The following GOLGA2 variants were observed in gnomAD, a reference collection of about 807,000 sequenced individuals.
GOLGA2 encodes the protein golgin subfamily A member 2.
Under a neutral mutation model 148.8 loss-of-function variants are expected in GOLGA2, and 49 were observed. The observed-to-expected ratio is 0.33, with a 90% CI of 0.26 to 0.42. GOLGA2 has a LOEUF of 0.42. GOLGA2 is among the 10% of genes least tolerant of loss of function. GOLGA2 has a pLI of 1.00. For synonymous variants in GOLGA2, 501 were observed against 511.8 expected, an observed-to-expected ratio of 0.98 and a Z score of 0.28; for missense variants, 1,178 against 1,304.6, an observed-to-expected ratio of 0.90 and a Z score of 1.49.
chr9:128,259,933 G>T lies in GOLGA2; in HGVS notation c.1872+143C>A, dbSNP rs576975444. On this transcript the variant is annotated intron_variant, in intron 19 of 26. Coordinates refer to ENST00000611957, the MANE Select transcript of GOLGA2 (RefSeq NM_001366244.2). ...ATCCACCTCTAAAAGTCAGAGGGCAGGGAGCAAGAAACAGTCACAGGACTG... is the reference window on the plus strand; with the variant it reads ...ATCCACCTCTAAAAGTCAGAGGGCATGGAGCAAGAAACAGTCACAGGACTG... 1.7e-5 allele frequency: 12 copies of T among 688,162 alleles called. No homozygotes were observed. The African/African-American group carries it at 2.1e-4, about 12-fold the overall frequency. The allele number at this position is 688,162 out of a possible 1,614,324, so 42.6% of individuals were successfully genotyped here. A position where few individuals can be genotyped will look rare whatever the true frequency, so the allele number is the denominator to read the frequency against.
intron 12 of GOLGA2, among the ~76,000 whole-genome samples, chr9:128,264,462 C>T (rs1020905529): frequency 2.0e-5 from 3 of 151,956 alleles, no homozygotes; most frequent in African/African-American, 7.3e-5. Context: ...GAGTCTCCCT[C>T]TGTCACCCAG....
chr9:128,266,688 T>A lies in GOLGA2; in HGVS notation c.643-363A>T, dbSNP rs1408680823. The A allele has an allele frequency of 2.5e-6, 1 of 392,952 alleles. No individual in the cohort carries two copies. Among genetic ancestry groups the A allele is most frequent in the Non-Finnish European group, 4.6e-6 (1 of 216,528 alleles). 24.3% of individuals were successfully genotyped at this position (392,952 alleles called of 1,614,324 possible). A position where few individuals can be genotyped will look rare whatever the true frequency, so the allele number is the denominator to read the frequency against. On this transcript the variant is annotated intron_variant, in intron 8 of 26. Transcript: ENST00000611957. This position sits in a 1 kb window ranked among gnomAD's most constrained non-coding sequence, Gnocchi z 4.2. The stretch of plus-strand genomic sequence containing the variant: ...CACACAGGCCAGGTACGGTTCTTAA[T>A]AGCAGGGATACCAGACAGAAAAAGA...
chr9:128,272,639 G>A (rs1232536093), intron 3 of GOLGA2, 146 bp downstream of exon 3: 6 of 213,742 alleles, frequency 2.8e-5, no homozygotes, highest in Admixed American at 5.6e-5. Context: ...AATCAAGCAG[G>A]TGAAGAAGCG....
chr9:128,258,724 C>G lies in GOLGA2; in HGVS notation c.2174-154G>C, dbSNP rs781007252. The G allele has an allele frequency of 4.9e-5, 32 of 649,770 alleles. No individual in the cohort carries two copies. Among genetic ancestry groups the G allele is most frequent in the Non-Finnish European group, 7.3e-5 (28 of 382,196 alleles). The allele number at this position is 649,770 out of a possible 1,614,324, so 40.3% of individuals were successfully genotyped here. ...TTTTTATTTTATTCTTTTTTAAGAG[C>G]CAAGGGCTCGCTATGCTGCCCAGGT... is the stretch of plus-strand genomic sequence containing the variant. On this transcript the variant is annotated intron_variant, in intron 21 of 26. Transcript: ENST00000611957. This position sits in a 1 kb window ranked among gnomAD's most constrained non-coding sequence, Gnocchi z 6.6.
In GOLGA2 at chr9:128,257,346, C is replaced by G. The variant is rs764508288; in HGVS notation, c.2875+23G>C. The G allele has an allele frequency of 2.5e-6, 4 of 1,612,900 alleles. No homozygotes were observed. The highest frequency in any genetic ancestry group is 3.4e-6 in the Non-Finnish European group (4 of 1,179,906). On this transcript the variant is annotated intron_variant, in intron 26 of 26. Transcript: ENST00000611957. This position sits in a 1 kb window ranked among gnomAD's most constrained non-coding sequence, Gnocchi z 8.0. Reference sequence around the variant, plus strand: ...GCCCTCCCTTACTCCTGCCTGCCCACCCCTCCCGAGGGCTCTACTCACCAC... The same window carrying G: ...GCCCTCCCTTACTCCTGCCTGCCCAGCCCTCCCGAGGGCTCTACTCACCAC...
Position 128,256,051 on chromosome 9 carries a change from T to A in GOLGA2, c.*1016A>T, listed in dbSNP as rs1829839827. 1.3e-5 allele frequency: 2 copies of A among 152,724 alleles called. No individual in the cohort carries two copies. The highest frequency in any genetic ancestry group is 4.1e-4 in the South Asian group (2 of 4,832). 9.5% of individuals were successfully genotyped at this position (152,724 alleles called of 1,614,324 possible). A position where few individuals can be genotyped will look rare whatever the true frequency, so the allele number is the denominator to read the frequency against. On this transcript the variant is annotated 3_prime_UTR_variant, in exon 27 of 27. Transcript: ENST00000611957. ...CCTACCCCTGGAATATACAAAATGTTACACAGATACAATATGTACACTGGG... is the reference window on the plus strand; with the variant it reads ...CCTACCCCTGGAATATACAAAATGTAACACAGATACAATATGTACACTGGG...
At position 128,258,015 on chromosome 9, in the gene GOLGA2, G is replaced by A; in HGVS notation, c.2473C>T (p.His825Tyr). The part of the protein sequence containing the change: ...TGGDSVCGET[H>Y]RALQGAMEKL... The stretch of plus-strand genomic sequence containing the variant: ...TCCATGGCCCCCTGCAGGGCCCGGT[G>A]GGTCTCCCCACACACAGAATCACCC... Residue 825 changes from histidine (H) to tyrosine (Y), a missense_variant, in exon 23 of 27, where the codon CAC becomes TAC. This residue lies in a region of GOLGA2 where 529 missense variants were observed against 521.8 expected (regional missense o/e 1.01). Coordinates refer to ENST00000611957, the MANE Select transcript of GOLGA2 (RefSeq NM_001366244.2). The surrounding 1 kb of genome is among the most constrained non-coding windows in gnomAD (Gnocchi z 6.6). 1 of 1,610,014 alleles carries A rather than the reference G, an allele frequency of 6.2e-7. No individual in the cohort carries two copies. Among genetic ancestry groups the A allele is most frequent in the Non-Finnish European group, 8.5e-7 (1 of 1,177,876 alleles).
chr9:128,265,938 G>A (rs1215162794), intron 10 of GOLGA2, 32 bp downstream of exon 10: 1 of 1,607,352 alleles, frequency 6.2e-7, no homozygotes, highest in South Asian at 1.1e-5. Context: ...ATTCTCCAGA[G>A]GACAGGACGG....
Position 128,261,302 on chromosome 9 carries a change from T to TA in GOLGA2, c.1333-44_1333-43insT. 1 of 1,501,798 alleles carries TA rather than the reference T, an allele frequency of 6.7e-7. No individual in the cohort carries two copies. The highest frequency in any genetic ancestry group is 9.3e-7 in the Non-Finnish European group (1 of 1,078,450). The allele number at this position is 1,501,798 out of a possible 1,614,324, so 93.0% of individuals were successfully genotyped here. ...AGAAAGGGCCCTGGAGAGGGGCTGG[T>TA]GGCTGGACAGGCTACCATCTCCCTC... On this transcript the variant is annotated intron_variant, in intron 16 of 26. Coordinates refer to ENST00000611957, the MANE Select transcript of GOLGA2 (RefSeq NM_001366244.2). This position sits in a 1 kb window ranked among gnomAD's most constrained non-coding sequence, Gnocchi z 5.7.
chr9:128,274,006 T>C (rs769329086), intron 1 of GOLGA2, 34 bp from the exon 2 acceptor site: 1 of 1,600,566 alleles, frequency 6.2e-7, no homozygotes. Flanking sequence ...ATTCATGAGA[T>C]CTACAAGCCC....
chr9:128,261,138 T>C lies in GOLGA2; in HGVS notation c.1420+34A>G, dbSNP rs1179991100. The stretch of plus-strand genomic sequence containing the variant: ...CCACCCCCACAACCCTCTGACACCA[T>C]TCCTGCTCCCAGGTCACCCCAGCCC... On this transcript the variant is annotated intron_variant, in intron 17 of 26. Coordinates refer to ENST00000611957, the MANE Select transcript of GOLGA2 (RefSeq NM_001366244.2). The surrounding 1 kb of genome is among the most constrained non-coding windows in gnomAD (Gnocchi z 5.7). 2.8e-6 allele frequency: 4 copies of C among 1,442,794 alleles called. No individual in the cohort carries two copies. Among genetic ancestry groups the C allele is most frequent in the Non-Finnish European group, 3.9e-6 (4 of 1,024,256 alleles). 89.4% of individuals were successfully genotyped at this position (1,442,794 alleles called of 1,614,324 possible).
intron 7 of GOLGA2, 76 bp from the exon 8 acceptor site, chr9:128,267,350 G>A: frequency 1.4e-6 from 2 of 1,385,654 alleles, no homozygotes; most frequent in Non-Finnish European, 1.0e-6. Context: ...TAGGGTTGGG[G>A]GGTGTGTGGG....
chr9:128,260,667 C>G lies in GOLGA2; in HGVS notation c.1556G>C (p.Gly519Ala). The change falls in exon 18 of 27, where the codon GGC becomes GCC. Residue 519 changes from glycine (G) to alanine (A), a missense_variant. Physicochemically the swap from Gly to Ala is moderately conservative, Grantham distance 60. Transcript: ENST00000611957. The surrounding 1 kb of genome is among the most constrained non-coding windows in gnomAD (Gnocchi z 4.8). ...QLQAQVQDNEGLSRLNREQEE... is the reference protein window; with the variant it reads ...QLQAQVQDNEALSRLNREQEE... ...CTGCTCCCGGTTCAGGCGACTCAAG[C>G]CCTCATTGTCTTGCACCTGGGCTTG... is the stretch of plus-strand genomic sequence containing the variant. 10 of 1,613,202 alleles carry G rather than the reference C, an allele frequency of 6.2e-6. No homozygotes were observed. The highest frequency in any genetic ancestry group is 8.5e-6 in the Non-Finnish European group (10 of 1,180,010).
At position 128,261,930 on chromosome 9, in the gene GOLGA2, A is replaced by G. The variant is rs1403602678; in HGVS notation, c.1135-173T>C. ...ATTTTAAAAAGATCTCAGGCCAGGC[A>G]TGGTGGCTGATGCCTGTAATCTCAA... On this transcript the variant is annotated intron_variant, in intron 14 of 26. Transcript: ENST00000611957. The surrounding 1 kb of genome is among the most constrained non-coding windows in gnomAD (Gnocchi z 5.7). 1 of 585,800 alleles carries G rather than the reference A, an allele frequency of 1.7e-6. No individual in the cohort carries two copies. The highest frequency in any genetic ancestry group is 3.0e-6 in the Non-Finnish European group (1 of 329,432). The allele number at this position is 585,800 out of a possible 1,614,324, so 36.3% of individuals were successfully genotyped here. A position where few individuals can be genotyped will look rare whatever the true frequency, so the allele number is the denominator to read the frequency against.
At chr9:128,273,997 T>C (rs1221981339) in intron 1 of GOLGA2, 25 bp from the exon 2 acceptor site, 2 of 1,605,918 alleles carry the variant, frequency 1.2e-6, no homozygotes, top group Non-Finnish European at 1.7e-6. Context: ...AGCAATAATA[T>C]TCATGAGATC....
Position 128,261,969 on chromosome 9 carries a change from T to C in GOLGA2, c.1135-212A>G, listed in dbSNP as rs980627040. On this transcript the variant is annotated intron_variant, in intron 14 of 26. Coordinates refer to ENST00000611957, the MANE Select transcript of GOLGA2 (RefSeq NM_001366244.2). The surrounding 1 kb of genome is among the most constrained non-coding windows in gnomAD (Gnocchi z 5.7). ...CTGTAATCTCAACACTTTGGGAGGCTGAGGTGGGTGGATTGCTTGAGCTCA... is the reference window on the plus strand; with the variant it reads ...CTGTAATCTCAACACTTTGGGAGGCCGAGGTGGGTGGATTGCTTGAGCTCA... 40 of 542,436 alleles carry C rather than the reference T, an allele frequency of 7.4e-5. 1 individual carries two copies. The highest frequency in any genetic ancestry group is 1.2e-4 in the Non-Finnish European group (37 of 304,604). The allele number at this position is 542,436 out of a possible 1,614,324, so 33.6% of individuals were successfully genotyped here. A position where few individuals can be genotyped will look rare whatever the true frequency, so the allele number is the denominator to read the frequency against.
At chr9:128,268,837 G>A (rs560080191) in intron 3 of GOLGA2, among the ~76,000 whole-genome samples, 3 of 152,354 alleles carry the variant, frequency 2.0e-5, no homozygotes, top group South Asian at 4.1e-4. Context: ...CAGGAGGAAG[G>A]TGTGCCAAAG....
intron 3 of GOLGA2, among the ~76,000 whole-genome samples, chr9:128,269,770 C>A (rs1436460544): frequency 6.6e-6 from 1 of 152,214 alleles, no homozygotes; most frequent in Non-Finnish European, 1.5e-5. Context: ...GAAGTGACTA[C>A]ACCTCTCTCC....
intron 3 of GOLGA2, among the ~76,000 whole-genome samples, chr9:128,270,628 G>A (rs1409236644): frequency 1.3e-5 from 2 of 151,926 alleles, no homozygotes; most frequent in African/African-American, 2.4e-5. Flanking sequence ...TATCAGCTCC[G>A]CTCAGGATAC....
Sources: allele counts gnomAD v4.1 joint callset (sites outside exome capture counted in the v4.1 genomes callset), GRCh38; gene constraint gnomAD v4.1.1; regional missense constraint gnomAD v4.1.1; non-coding constraint Gnocchi (gnomAD v3.1); transcripts MANE v1.5; gene names NCBI Gene and HGNC (gene_info 2026-07-23, HGNC 2026-07-21).